Variants in STK32C observed in about 807,000 individuals in gnomAD.
STK32C encodes the protein serine/threonine kinase 32C, also known as serine/threonine-protein kinase 32C.
In STK32C, 31 loss-of-function variants were observed where a neutral mutation model predicts 56.5. The ratio of observed to expected loss-of-function variants is 0.55; its 90% CI spans 0.41 to 0.74. The LOEUF is 0.74. STK32C is among the 30% of genes least tolerant of loss of function. The pLI, the probability that STK32C is intolerant of heterozygous loss-of-function variation, is 0.00. For synonymous variants in STK32C, 309 were observed against 289.4 expected, an observed-to-expected ratio of 1.07 and a Z score of -0.69; for missense variants, 544 against 676.9, an observed-to-expected ratio of 0.80 and a Z score of 2.18.
intron 2 of STK32C, among the ~76,000 whole-genome samples, chr10:132,239,642 G>A (rs1231666190): frequency 6.6e-6 from 1 of 152,206 alleles, no homozygotes; most frequent in African/African-American, 2.4e-5. Context: ...AGAAACCCAG[G>A]CCCAGCCGCC....
rs537993904 is a variant in STK32C, at chr10:132,286,088, T to C, written c.262+21484A>G. Among the ~76,000 whole-genome samples, 562 of 150,580 alleles carry C rather than the reference T, an allele frequency of 3.7e-3. 1 individual carries two copies. Among genetic ancestry groups the C allele is most frequent in the Non-Finnish European group, 6.4e-3 (432 of 67,722 alleles). Reference sequence around the variant, plus strand: ...TCGCAGTGAGCCGAGACTGAGCCACTGCACTCCAGCCTGGGTGACGGAGCG... The same window carrying C: ...TCGCAGTGAGCCGAGACTGAGCCACCGCACTCCAGCCTGGGTGACGGAGCG... On this transcript the variant is annotated intron_variant, in intron 1 of 11. Transcript: ENST00000298630.
At chr10:132,235,082 T>C (rs1185412188) in intron 2 of STK32C, among the ~76,000 whole-genome samples, 1 of 152,092 alleles carries the variant, frequency 6.6e-6, no homozygotes, top group African/African-American at 2.4e-5. Context: ...GTGTGACTGG[T>C]ATGAACTGTG....
Position 132,307,917 on chromosome 10 carries a change from C to A in STK32C, c.-84G>T. ...GGGAGCGGCAGTGGTAGCGGGAGCG[C>A]TCGGGGCCGGCAGCGCCCGCCGTGC... On this transcript the variant is annotated 5_prime_UTR_variant, in exon 1 of 12. Coordinates refer to ENST00000298630, the MANE Select transcript of STK32C (RefSeq NM_173575.4). The surrounding 1 kb of genome is among the most constrained non-coding windows in gnomAD (Gnocchi z 4.4). 3.7e-6 allele frequency: 4 copies of A among 1,090,312 alleles called. No individual in the cohort carries two copies. Among genetic ancestry groups the A allele is most frequent in the African/African-American group, 3.5e-5 (2 of 57,650 alleles). The allele number at this position is 1,090,312 out of a possible 1,614,324, so 67.5% of individuals were successfully genotyped here.
At position 132,302,662 on chromosome 10, in the gene STK32C, G is replaced by A. The variant is rs370791750; in HGVS notation, c.262+4910C>T. On this transcript the variant is annotated intron_variant, in intron 1 of 11. Transcript: ENST00000298630. ...GAGAGCCCCCACCCCTTGCCTCACA[G>A]GGTCAGGAGGCAAGGAAAGAGCACC... Among the ~76,000 whole-genome samples the A allele has an allele frequency of 5.8e-4, 88 of 152,346 alleles. 2 individuals are homozygous for A. The highest frequency in any genetic ancestry group is 1.6e-3 in the African/African-American group (67 of 41,580).
intron 1 of STK32C, among the ~76,000 whole-genome samples, chr10:132,318,277 G>C (rs895702321): frequency 1.5e-4 from 21 of 143,378 alleles, no homozygotes; most frequent in Non-Finnish European, 2.8e-4. Context: ...CAAAAAAAAA[G>C]AGAGAGAGAG....
At chr10:132,264,097 T>C (rs2064409938) in intron 1 of STK32C, among the ~76,000 whole-genome samples, 2 of 151,858 alleles carry the variant, frequency 1.3e-5, no homozygotes, top group Admixed American at 1.3e-4. Flanking sequence ...TGGCGACGGA[T>C]GTAATCAGTA....
chr10:132,242,640 G>C (rs1417641391), intron 2 of STK32C, among the ~76,000 whole-genome samples: 2 of 152,102 alleles, frequency 1.3e-5, no homozygotes, highest in East Asian at 3.8e-4. Flanking sequence ...CAAAAGCTGT[G>C]TGCCCCCCAT....
chr10:132,285,170 T>C (rs1364291644), intron 1 of STK32C, among the ~76,000 whole-genome samples: 1 of 145,486 alleles, frequency 6.9e-6, no homozygotes, highest in African/African-American at 2.6e-5. Context: ...AGACCAGGCA[T>C]GAACCCAGAA....
At chr10:132,231,595 C>G (rs1339458271) in intron 2 of STK32C, among the ~76,000 whole-genome samples, 1 of 152,228 alleles carries the variant, frequency 6.6e-6, no homozygotes, top group African/African-American at 2.4e-5. Context: ...AAAGACACAG[C>G]CACCAGGAGC....
downstream of STK32C, among the ~76,000 whole-genome samples, chr10:132,319,296 A>G (rs1260420810): frequency 6.6e-6 from 1 of 152,242 alleles, no homozygotes; most frequent in Non-Finnish European, 1.5e-5. Flanking sequence ...AAATTTAAGC[A>G]TAATCTTACC....
chr10:132,232,470 T>G lies in STK32C; in HGVS notation c.319-4342A>C, dbSNP rs140774043. 2.3e-4 allele frequency among the ~76,000 whole-genome samples: 35 copies of G among 151,876 alleles called. No homozygotes were observed. The East Asian group carries it at 6.0e-3, about 26-fold the overall frequency. On this transcript the variant is annotated intron_variant, in intron 2 of 11. Transcript: ENST00000298630. ...TCTGGAGGGACCTCAGCACCCGAGA[T>G]CACGCAGAGCAGTGTTTACAAAAAA...
At chr10:132,325,623 C>T (rs1000845461) in intron 1 of STK32C, among the ~76,000 whole-genome samples, 2 of 152,008 alleles carry the variant, frequency 1.3e-5, no homozygotes, top group African/African-American at 4.8e-5. Context: ...GCAACTTGCT[C>T]CTCCTTGCCT....
chr10:132,262,118 A>G (rs2064323137), intron 1 of STK32C, among the ~76,000 whole-genome samples: 2 of 152,240 alleles, frequency 1.3e-5, no homozygotes, highest in African/African-American at 4.8e-5. Context: ...GGAGCAGAAT[A>G]GAAAACCCCA....
intron 1 of STK32C, among the ~76,000 whole-genome samples, chr10:132,305,341 C>T (rs574928043): frequency 5.9e-5 from 9 of 152,332 alleles, no homozygotes; most frequent in Non-Finnish European, 1.0e-4. Context: ...GCAACTATGC[C>T]TATCAGTTGA....
chr10:132,242,176 A>AT (rs1353901039), intron 2 of STK32C, among the ~76,000 whole-genome samples: 1 of 151,380 alleles, frequency 6.6e-6, no homozygotes, highest in Non-Finnish European at 1.5e-5. Flanking sequence ...CCTGATCGTG[A>AT]ATGAGGCAGT....
chr10:132,229,285 A>C (rs1214180165), intron 2 of STK32C, among the ~76,000 whole-genome samples: 1 of 152,066 alleles, frequency 6.6e-6, no homozygotes, highest in Admixed American at 6.5e-5. Context: ...GGGGGCCTGG[A>C]GGAAATGGAT....
At chr10:132,224,569 G>C (rs1399152882) in intron 7 of STK32C, 46 bp from the exon 8 acceptor site, 7 of 1,439,078 alleles carry the variant, frequency 4.9e-6, no homozygotes, top group Non-Finnish European at 6.7e-6. Flanking sequence ...TGGCCCCCAG[G>C]ACACCCAGAA....
downstream of STK32C, among the ~76,000 whole-genome samples, chr10:132,321,687 C>T (rs1389438903): frequency 6.6e-6 from 1 of 152,080 alleles, no homozygotes; most frequent in South Asian, 2.1e-4. Context: ...AAAAATTAGC[C>T]GGGTGTGGTG....
At chr10:132,296,345 C>G (rs563475211) in intron 1 of STK32C, among the ~76,000 whole-genome samples, 4 of 152,000 alleles carry the variant, frequency 2.6e-5, no homozygotes, top group Admixed American at 6.6e-5. Context: ...CTGAGGAGAT[C>G]TGAACCCAGT....
Sources: gnomAD v4.1 joint callset for allele counts (sites outside exome capture counted in the v4.1 genomes callset) on GRCh38, gnomAD v4.1.1 for gene constraint, Gnocchi (gnomAD v3.1) non-coding constraint, MANE v1.5 for transcripts, NCBI Gene and HGNC (gene_info 2026-07-23, HGNC 2026-07-21) for gene names.